The following ZNF407 variants were observed in gnomAD, a reference collection of about 807,000 sequenced individuals.
The protein encoded by ZNF407 is zinc finger protein 407.
A neutral mutation model predicts 131.2 loss-of-function variants in ZNF407; 17 were observed. The observed-to-expected ratio is 0.13, with a 90% confidence interval of 0.09 to 0.19. The LOEUF is 0.19. Ranked by LOEUF, ZNF407 falls within the 10% of genes least tolerant of loss-of-function variation. ZNF407 has a pLI of 1.00. For synonymous variants in ZNF407, 1,156 were observed against 1,062.0 expected, an observed-to-expected ratio of 1.09 and a Z score of -1.72; for missense variants, 2,681 against 2,830.6, an observed-to-expected ratio of 0.95 and a Z score of 1.20.
chr18:74,940,860 G>T, intron 8 of ZNF407, among the ~76,000 whole-genome samples: 1 of 152,180 alleles, frequency 6.6e-6, no homozygotes, highest in Non-Finnish European at 1.5e-5. Context: ...CTGTAGGTGG[G>T]CAGGGTGTGG....
At chr18:74,670,791 A>G (rs477499) in intron 3 of ZNF407, among the ~76,000 whole-genome samples, 3,538 of 152,172 alleles carry the variant, frequency 0.023, 149 homozygotes, top group African/African-American at 0.08. Context: ...TCAGCCTCCT[A>G]AGTAGCTGGG....
chr18:75,062,986 G>T (rs984333258), intron 8 of ZNF407, 164 bp from the exon 9 acceptor site: 4 of 604,716 alleles, frequency 6.6e-6, no homozygotes, highest in Non-Finnish European at 1.1e-5. Flanking sequence ...GCCCACGGAG[G>T]CCTCTGGCCC....
Position 74,679,853 on chromosome 18 carries a change from G to C in ZNF407, c.4802+38731G>C, listed in dbSNP as rs193091141. ...TCTGTTTTATAGATTGTATGTTTCA[G>C]ATCATCAGTGGTTCTTCATGTGGCA... On this transcript the variant is annotated intron_variant, in intron 3 of 8. Coordinates refer to ENST00000299687, the MANE Select transcript of ZNF407 (RefSeq NM_017757.3). 5.9e-5 allele frequency among the ~76,000 whole-genome samples: 9 copies of C among 152,312 alleles called. No individual in the cohort carries two copies. In the East Asian group the frequency reaches 7.7e-4, roughly 13 times the overall value.
chr18:74,724,577 C>T (rs192576641), intron 3 of ZNF407, among the ~76,000 whole-genome samples: 308 of 152,118 alleles, frequency 2.0e-3, no homozygotes, highest in Admixed American at 5.8e-3. Flanking sequence ...TGCACACACA[C>T]GTGAAATATA....
intron 7 of ZNF407, among the ~76,000 whole-genome samples, chr18:74,901,548 A>T (rs1251400004): frequency 6.6e-6 from 1 of 152,232 alleles, no homozygotes; most frequent in African/African-American, 2.4e-5. Context: ...TCTAAGAAAA[A>T]GAGAACCAGA....
chr18:74,785,931 GTCAC>G (rs1344914045), intron 4 of ZNF407, among the ~76,000 whole-genome samples: 1 of 152,110 alleles, frequency 6.6e-6, no homozygotes, highest in Non-Finnish European at 1.5e-5. Flanking sequence ...CACACACGAT[GTCAC>G]TCACATGGCA....
chr18:74,821,673 A>T (rs1469960348), intron 4 of ZNF407, among the ~76,000 whole-genome samples: 4 of 152,114 alleles, frequency 2.6e-5, no homozygotes, highest in African/African-American at 9.7e-5. Flanking sequence ...TCTATAATTG[A>T]TGGACATTTG....
chr18:74,739,246 G>A (rs1353009302), intron 3 of ZNF407, among the ~76,000 whole-genome samples: 1 of 151,520 alleles, frequency 6.6e-6, no homozygotes, highest in Non-Finnish European at 1.5e-5. Flanking sequence ...CCAGTTGGGA[G>A]TGCTTAGAAC....
chr18:74,870,120 G>A (rs1050633453), intron 4 of ZNF407, among the ~76,000 whole-genome samples: 31 of 152,292 alleles, frequency 2.0e-4, no homozygotes, highest in African/African-American at 7.2e-4. Flanking sequence ...GAGGCAGCCT[G>A]GGGTTAATAT....
At chr18:74,758,462 T>G (rs1284686933) in intron 3 of ZNF407, among the ~76,000 whole-genome samples, 1 of 152,206 alleles carries the variant, frequency 6.6e-6, no homozygotes, top group African/African-American at 2.4e-5. Flanking sequence ...CCCCCTACTT[T>G]GTCCTGTTAC....
At chr18:74,792,411 T>G (rs1192220609) in intron 4 of ZNF407, among the ~76,000 whole-genome samples, 1 of 151,254 alleles carries the variant, frequency 6.6e-6, no homozygotes, top group Non-Finnish European at 1.5e-5. Context: ...GTGTTTAGAA[T>G]GCCTTTTCTC....
intron 7 of ZNF407, among the ~76,000 whole-genome samples, chr18:74,894,375 A>G (rs1971425496): frequency 6.6e-6 from 1 of 152,104 alleles, no homozygotes; most frequent in African/African-American, 2.4e-5. Context: ...AAAAAAAATA[A>G]CATTTTTCTA....
chr18:74,909,960 A>AC, intron 7 of ZNF407, among the ~76,000 whole-genome samples: 1 of 152,194 alleles, frequency 6.6e-6, no homozygotes, highest in East Asian at 1.9e-4. Context: ...TTGTAAATAA[A>AC]CTAGAAAAAT....
chr18:74,724,143 T>G (rs1968102784), intron 3 of ZNF407, among the ~76,000 whole-genome samples: 1 of 152,194 alleles, frequency 6.6e-6, no homozygotes, highest in South Asian at 2.1e-4. Flanking sequence ...ATAATTCTTT[T>G]GGTATTAGAC....
chr18:74,819,168 G>A (rs756544498), intron 4 of ZNF407, among the ~76,000 whole-genome samples: 1 of 152,058 alleles, frequency 6.6e-6, no homozygotes, highest in Admixed American at 6.5e-5. Context: ...CTATGGAAAA[G>A]GCCGGAAAAA....
intron 8 of ZNF407, among the ~76,000 whole-genome samples, chr18:74,952,742 A>C (rs116721828): frequency 0.011 from 1,650 of 152,352 alleles, 33 homozygotes; most frequent in African/African-American, 0.037. Flanking sequence ...ATGTGTTTTG[A>C]CAGAAGTATA....
chr18:74,871,687 T>C (rs1971089292), intron 4 of ZNF407, among the ~76,000 whole-genome samples: 2 of 152,206 alleles, frequency 1.3e-5, no homozygotes, highest in Admixed American at 6.5e-5. Flanking sequence ...GTGTGGTTTT[T>C]GTAGATATGA....
intron 4 of ZNF407, among the ~76,000 whole-genome samples, chr18:74,804,822 A>T (rs1223208480): frequency 2.0e-5 from 3 of 152,176 alleles, no homozygotes; most frequent in African/African-American, 7.2e-5. Context: ...AACACTAAGC[A>T]TGTGCTTGCT....
At chr18:74,820,495 C>T (rs1344448409) in intron 4 of ZNF407, among the ~76,000 whole-genome samples, 1 of 152,228 alleles carries the variant, frequency 6.6e-6, no homozygotes, top group African/African-American at 2.4e-5. Flanking sequence ...AACGAGTTCA[C>T]TGTCACTAAT....
Sources: allele counts gnomAD v4.1 joint callset (sites outside exome capture counted in the v4.1 genomes callset), GRCh38; gene constraint gnomAD v4.1.1; transcripts MANE v1.5; gene names NCBI Gene and HGNC (gene_info 2026-07-23, HGNC 2026-07-21).